Variants in RBFOX1 observed in about 807,000 individuals in gnomAD.
RBFOX1 encodes RNA binding protein fox-1 homolog 1.
Under a neutral mutation model 57.7 loss-of-function variants are expected in RBFOX1, and 8 were observed. The ratio of observed to expected loss-of-function variants is 0.14; its 90% CI spans 0.08 to 0.25. The LOEUF (loss-of-function observed/expected upper bound fraction) is 0.25, where lower values mean the gene tolerates loss of function less well. RBFOX1 is among the 10% of genes least tolerant of loss of function. RBFOX1 has a pLI of 1.00. For missense variants in RBFOX1, 611 were observed against 548.5 expected, an observed-to-expected ratio of 1.11 and a Z score of -1.14; for synonymous variants, 326 against 222.4, an observed-to-expected ratio of 1.47 and a Z score of -4.15.
chr16:6,371,154 T>C (rs1409669080), intron 2 of RBFOX1, among the ~76,000 whole-genome samples: 2 of 152,170 alleles, frequency 1.3e-5, no homozygotes, highest in South Asian at 4.1e-4. Context: ...AGTAAAAACT[T>C]TCTCACTGTA....
chr16:7,437,628 G>A (rs574507822), intron 4 of RBFOX1, among the ~76,000 whole-genome samples: 7 of 152,286 alleles, frequency 4.6e-5, no homozygotes, highest in African/African-American at 1.7e-4. Context: ...CATAAAGGCT[G>A]TAATTAGAAT....
chr16:6,832,760 C>T (rs993719868), intron 3 of RBFOX1, among the ~76,000 whole-genome samples: 23 of 152,184 alleles, frequency 1.5e-4, no homozygotes, highest in African/African-American at 4.1e-4. Flanking sequence ...CTGTCCCTAC[C>T]TGTTTGAGCT....
intron 4 of RBFOX1, among the ~76,000 whole-genome samples, chr16:5,883,876 T>C (rs951317750): frequency 2.0e-5 from 3 of 152,156 alleles, no homozygotes; most frequent in Non-Finnish European, 2.9e-5. Flanking sequence ...GATGAGAAGG[T>C]AGGAACCCTG....
At chr16:5,818,110 C>G (rs940198635) in intron 3 of RBFOX1, among the ~76,000 whole-genome samples, 1 of 152,184 alleles carries the variant, frequency 6.6e-6, no homozygotes, top group Admixed American at 6.5e-5. Flanking sequence ...CCATTCTGAT[C>G]ACTAGTAATG....
chr16:6,228,133 A>G (rs1024671990), intron 1 of RBFOX1, among the ~76,000 whole-genome samples: 1 of 152,100 alleles, frequency 6.6e-6, no homozygotes, highest in Non-Finnish European at 1.5e-5. Context: ...CAACATGGTG[A>G]AACCCCATCT....
chr16:5,555,126 A>G (rs967098471), intron 2 of RBFOX1, among the ~76,000 whole-genome samples: 6 of 152,238 alleles, frequency 3.9e-5, no homozygotes, highest in African/African-American at 9.6e-5. Flanking sequence ...GTACAGGGCA[A>G]GAGCCCCCCT....
chr16:6,590,849 G>GC (rs71145256), intron 2 of RBFOX1, among the ~76,000 whole-genome samples: 149,727 of 152,200 alleles, frequency 0.98, 73,706 homozygotes, highest in East Asian at 1. Context: ...CGTTTGACAT[G>GC]CAAGAATTGT....
In RBFOX1 at chr16:5,272,546, C is replaced by G. The variant is rs190054121; in HGVS notation, c.219+32441C>G. ...GAATCGTCCCATCCTCCAGGGCCGA[C>G]AAGTTCATGACTGCTGCCTCTACCG... On this transcript the variant is annotated intron_variant, in intron 1 of 2. Coordinates refer to the RBFOX1 transcript ENST00000585867. 2.0e-5 allele frequency among the ~76,000 whole-genome samples: 3 copies of G among 152,170 alleles called. No homozygotes were observed. The East Asian group carries it at 5.8e-4, about 29-fold the overall frequency.
chr16:6,002,424 C>A (rs891423622), intron 4 of RBFOX1, among the ~76,000 whole-genome samples: 1 of 152,196 alleles, frequency 6.6e-6, no homozygotes, highest in African/African-American at 2.4e-5. Flanking sequence ...TACTAGTTAA[C>A]AAGACTCACT....
chr16:6,186,786 A>G (rs1031523583), intron 1 of RBFOX1, among the ~76,000 whole-genome samples: 2 of 152,202 alleles, frequency 1.3e-5, no homozygotes, highest in Non-Finnish European at 2.9e-5. Flanking sequence ...ATGGGGAGTG[A>G]AAAGGAGATG....
intron 1 of RBFOX1, among the ~76,000 whole-genome samples, chr16:6,303,051 C>A (rs1416754582): frequency 2.0e-5 from 3 of 152,132 alleles, no homozygotes; most frequent in South Asian, 2.1e-4. Flanking sequence ...GGTTCTTATT[C>A]TTAAAGATAA....
At chr16:7,572,899 T>C (rs1567897591) in intron 5 of RBFOX1, among the ~76,000 whole-genome samples, 1 of 137,086 alleles carries the variant, frequency 7.3e-6, no homozygotes, top group Admixed American at 7.5e-5. Context: ...GGTACTGACA[T>C]TGAGGAACCG....
At position 7,594,298 on chromosome 16, in the gene RBFOX1, C is replaced by G. The variant is rs12599574; in HGVS notation, c.469-1251C>G. Among the ~76,000 whole-genome samples the G allele has an allele frequency of 6.6e-3, 1,004 of 152,262 alleles. 10 individuals carry two copies. The highest frequency in any genetic ancestry group is 0.023 in the African/African-American group (949 of 41,558). ...ATTATTGTGCATTTCTTTAGTAAAA[C>G]TAAGTATTATACTGTCCCAACTCAA... is the stretch of plus-strand genomic sequence containing the variant. On this transcript the variant is annotated intron_variant, in intron 7 of 15. Transcript: ENST00000550418.
At chr16:7,274,827 G>A (rs1442804658) in intron 4 of RBFOX1, among the ~76,000 whole-genome samples, 1 of 151,926 alleles carries the variant, frequency 6.6e-6, no homozygotes, top group African/African-American at 2.4e-5. Context: ...TGGAATTACA[G>A]GTGTGTGCCA....
chr16:6,965,737 A>G (rs1007584967), intron 3 of RBFOX1, among the ~76,000 whole-genome samples: 1 of 152,214 alleles, frequency 6.6e-6, no homozygotes, highest in Non-Finnish European at 1.5e-5. Context: ...GGGAATGATA[A>G]TAATCATGTT....
At chr16:6,842,834 C>A (rs531373213) in intron 3 of RBFOX1, among the ~76,000 whole-genome samples, 2 of 152,102 alleles carry the variant, frequency 1.3e-5, no homozygotes, top group South Asian at 4.2e-4. Context: ...CCCCAACCCC[C>A]TGACAGGCCC....
intron 1 of RBFOX1, among the ~76,000 whole-genome samples, chr16:5,319,492 C>T (rs1207447891): frequency 1.3e-5 from 2 of 152,188 alleles, no homozygotes; most frequent in Non-Finnish European, 2.9e-5. Flanking sequence ...GATCTTCCAT[C>T]TGGGAGTCTC....
At chr16:5,796,517 C>A (rs1347588) in intron 3 of RBFOX1, among the ~76,000 whole-genome samples, 1 of 151,856 alleles carries the variant, frequency 6.6e-6, no homozygotes, top group Non-Finnish European at 1.5e-5. Flanking sequence ...ATGGAATGAG[C>A]TGGATCCCAG....
chr16:6,387,801 T>C lies in RBFOX1; in HGVS notation c.-64+70744T>C, dbSNP rs74708501. ...CATTTTTCCCTCTGGTGATCATTCC[T>C]CCCCATTCTCAGACCTTTTGACTTC... is the stretch of plus-strand genomic sequence containing the variant. On this transcript the variant is annotated intron_variant, in intron 2 of 15. Transcript: ENST00000550418. Among the ~76,000 whole-genome samples, 14 of 152,098 alleles carry C rather than the reference T, an allele frequency of 9.2e-5. No homozygotes were observed. The East Asian group carries it at 2.7e-3, about 30-fold the overall frequency.
Sources: allele counts gnomAD v4.1 joint callset (sites outside exome capture counted in the v4.1 genomes callset), GRCh38; gene constraint gnomAD v4.1.1; transcripts MANE v1.5; gene names NCBI Gene and HGNC (gene_info 2026-07-23, HGNC 2026-07-21).